The following LCA5 variants were observed in gnomAD, a reference collection of about 807,000 sequenced individuals.
LCA5 encodes the protein lebercilin LCA5.
A neutral mutation model predicts 53.0 loss-of-function variants in LCA5; 37 were observed. The ratio of observed to expected loss-of-function variants is 0.70; its 90% CI spans 0.54 to 0.92. The LOEUF is 0.92. Ranked by LOEUF, LCA5 falls within the 40% of genes least tolerant of loss-of-function variation. The pLI, the probability that LCA5 is intolerant of heterozygous loss-of-function variation, is 0.00. For synonymous variants in LCA5, 303 were observed against 282.9 expected, an observed-to-expected ratio of 1.07 and a Z score of -0.71; for missense variants, 806 against 790.5, an observed-to-expected ratio of 1.02 and a Z score of -0.23.
intron 3 of LCA5, among the ~76,000 whole-genome samples, chr6:79,507,456 G>A (rs555205324): frequency 1.3e-5 from 2 of 152,042 alleles, no homozygotes; most frequent in Non-Finnish European, 2.9e-5. Context: ...CAAAGGTTTG[G>A]AAATCACTAC....
At chr6:79,515,665 G>T (rs1240861357) in intron 2 of LCA5, among the ~76,000 whole-genome samples, 1 of 151,972 alleles carries the variant, frequency 6.6e-6, no homozygotes, top group Non-Finnish European at 1.5e-5. Context: ...AACACTAGAA[G>T]ATCCAACCTT....
At position 79,495,488 on chromosome 6, in the gene LCA5, A is replaced by G. The variant is rs149421744; in HGVS notation, c.721-1738T>C. Among the ~76,000 whole-genome samples the G allele has an allele frequency of 9.9e-3, 1,508 of 152,166 alleles. 25 individuals are homozygous for G. Among genetic ancestry groups the G allele is most frequent in the African/African-American group, 0.034 (1,411 of 41,502 alleles). ...AAAGTCGGGCCAGGCGCGGTGGCTC[A>G]TGTCTGTAATCCCAGCACTCTGGGA... is the stretch of plus-strand genomic sequence containing the variant. On this transcript the variant is annotated intron_variant, in intron 3 of 7. Transcript: ENST00000369846.
intron 1 of LCA5, among the ~76,000 whole-genome samples, chr6:79,526,077 G>T (rs1284836730): frequency 6.6e-6 from 1 of 152,134 alleles, no homozygotes; most frequent in South Asian, 2.1e-4. Flanking sequence ...GGCCACAGGA[G>T]GAAGGCCTCC....
intron 1 of LCA5, among the ~76,000 whole-genome samples, chr6:79,519,802 A>G (rs1435270412): frequency 6.6e-6 from 1 of 151,990 alleles, no homozygotes; most frequent in Non-Finnish European, 1.5e-5. Context: ...TTTTTTAAAA[A>G]CTAAAAGAAA....
intron 1 of LCA5, among the ~76,000 whole-genome samples, chr6:79,533,504 A>G (rs1006301883): frequency 1.2e-4 from 18 of 152,100 alleles, no homozygotes; most frequent in African/African-American, 4.3e-4. Context: ...AAAGCTGGCT[A>G]AACATGCTAC....
At chr6:79,507,003 G>A (rs1770287645) in intron 3 of LCA5, among the ~76,000 whole-genome samples, 1 of 152,112 alleles carries the variant, frequency 6.6e-6, no homozygotes, top group African/African-American at 2.4e-5. Context: ...TAACCATTAA[G>A]AAATCACTTG....
intron 3 of LCA5, among the ~76,000 whole-genome samples, chr6:79,509,460 A>C (rs1770354339): frequency 6.6e-6 from 1 of 151,880 alleles, no homozygotes; most frequent in East Asian, 1.9e-4. Flanking sequence ...TCTCAAAAAA[A>C]AAAAAAAAAA....
chr6:79,527,896 TAATAAACACTTTAGTCCACCA>T (rs1334157701), intron 1 of LCA5, among the ~76,000 whole-genome samples: 1 of 152,142 alleles, frequency 6.6e-6, no homozygotes, highest in Admixed American at 6.5e-5. Context: ...CTCCAAACCC[TAATAAACACTTTAGTCCACCA>T]AATAATAACC....
chr6:79,516,973 T>C (rs1159044567), intron 2 of LCA5, among the ~76,000 whole-genome samples: 4 of 151,628 alleles, frequency 2.6e-5, no homozygotes, highest in Non-Finnish European at 5.9e-5. Context: ...ACTGCATGAA[T>C]TTTATGCAAA....
At chr6:79,537,023 A>ATCCC (rs1179475795) in intron 1 of LCA5, 142 bp downstream of exon 1, 3 of 151,410 alleles carry the variant, frequency 2.0e-5, no homozygotes, top group Non-Finnish European at 4.4e-5. Flanking sequence ...CCCATCCCTA[A>ATCCC]TCCCTTCATC....
intron 3 of LCA5, among the ~76,000 whole-genome samples, chr6:79,512,376 TC>T (rs1766245437): frequency 6.6e-6 from 1 of 151,976 alleles, no homozygotes. Flanking sequence ...ATTTAATAAG[TC>T]CCCGTCCCTG....
At chr6:79,491,521 T>A in intron 6 of LCA5, 67 bp downstream of exon 6, 2 of 1,529,900 alleles carry the variant, frequency 1.3e-6, no homozygotes, top group Non-Finnish European at 1.8e-6. Context: ...TTTTAAAATG[T>A]CTGATATTGT....
chr6:79,523,792 C>T (rs980391510), intron 1 of LCA5, among the ~76,000 whole-genome samples: 3 of 152,016 alleles, frequency 2.0e-5, no homozygotes, highest in Admixed American at 6.6e-5. Flanking sequence ...TCTCTCCCTG[C>T]CCCCCCTCAA....
At chr6:79,514,221 C>T (rs1423513845) in intron 2 of LCA5, among the ~76,000 whole-genome samples, 1 of 152,024 alleles carries the variant, frequency 6.6e-6, no homozygotes, top group African/African-American at 2.4e-5. Flanking sequence ...TGATGTTGAG[C>T]TTTTTTCATA....
intron 3 of LCA5, among the ~76,000 whole-genome samples, chr6:79,497,013 C>T (rs951454270): frequency 6.6e-6 from 1 of 152,000 alleles, no homozygotes; most frequent in Non-Finnish European, 1.5e-5. Context: ...ATGTTTATTG[C>T]CCATCCATAT....
At chr6:79,505,241 CACTTCAATCAAAA>C (rs1770244354) in intron 3 of LCA5, among the ~76,000 whole-genome samples, 1 of 152,060 alleles carries the variant, frequency 6.6e-6, no homozygotes, top group South Asian at 2.1e-4. Context: ...TTAAGCTTTA[CACTTCAATCAAAA>C]ATATCATAAT....
At chr6:79,519,673 C>T (rs749021118) in intron 1 of LCA5, among the ~76,000 whole-genome samples, 2 of 145,672 alleles carry the variant, frequency 1.4e-5, no homozygotes, top group African/African-American at 2.6e-5. Flanking sequence ...GCCAAGATGG[C>T]GCCACTGAAC....
At chr6:79,501,616 T>C (rs1035723173) in intron 3 of LCA5, among the ~76,000 whole-genome samples, 3 of 151,790 alleles carry the variant, frequency 2.0e-5, no homozygotes, top group African/African-American at 7.2e-5. Context: ...GAATTTACTA[T>C]ATAGTATCCA....
chr6:79,520,174 A>G (rs1766586308), intron 1 of LCA5, among the ~76,000 whole-genome samples: 1 of 152,004 alleles, frequency 6.6e-6, no homozygotes, highest in African/African-American at 2.4e-5. Flanking sequence ...CTTTTTTTTT[A>G]ATGGAAGCAA....
Sources: gnomAD v4.1 joint callset for allele counts (sites outside exome capture counted in the v4.1 genomes callset) on GRCh38, gnomAD v4.1.1 for gene constraint, MANE v1.5 for transcripts, NCBI Gene and HGNC (gene_info 2026-07-23, HGNC 2026-07-21) for gene names.